ABCA8: variants seen among roughly 807,000 people sequenced by gnomAD.
ABCA8 encodes the protein ATP binding cassette subfamily A member 8, also known as ABC-type organic anion transporter ABCA8.
Under a neutral mutation model 192.3 loss-of-function variants are expected in ABCA8, and 177 were observed. That is an observed-to-expected ratio of 0.92 (90% CI 0.81 to 1.04). The LOEUF (loss-of-function observed/expected upper bound fraction) is 1.04. ABCA8 is among the 50% of genes least tolerant of loss of function. The pLI is 0.00. For missense variants in ABCA8, 1,915 were observed against 1,904.8 expected (o/e 1.01, Z -0.10); for synonymous variants, 642 against 690.2 (o/e 0.93, Z 1.09).
At position 68,875,722 on chromosome 17, in the gene ABCA8, C is replaced by A. The variant is rs146930637; in HGVS notation, c.4382G>T (p.Arg1461Leu). The A allele has an allele frequency of 6.2e-7, 1 of 1,613,406 alleles. No individual in the cohort carries two copies. The highest frequency in any genetic ancestry group is 8.5e-7 in the Non-Finnish European group (1 of 1,179,736). Residue 1461 changes from arginine to leucine, a missense_variant, in exon 36 of 40, where the codon CGG becomes CTG. Transcript: ENST00000586539. ...EGQQQMWQAI[R>L]ATFRNTERGA... ...CCTTTCCGTGTTTCTAAAGGTGGCC[C>A]GGATGGCCTGCCTATAATGTCAAGA... is the stretch of plus-strand genomic sequence containing the variant.
intron 31 of ABCA8, 131 bp from the exon 32 acceptor site, chr17:68,881,342 AGTT>A (rs1253607674): frequency 2.2e-5 from 15 of 676,026 alleles, no homozygotes; most frequent in Non-Finnish European, 3.3e-5. Context: ...CACCCTGAGA[AGTT>A]GTTATTTTAG....
intron 21 of ABCA8, among the ~76,000 whole-genome samples, chr17:68,901,530 G>T (rs541518331): frequency 3.5e-4 from 54 of 152,236 alleles, no homozygotes; most frequent in African/African-American, 1.3e-3. Context: ...ATGTGAGGCC[G>T]GGCGCGGTGG....
In ABCA8 at chr17:68,924,860, C is replaced by T; in HGVS notation, c.1283G>A (p.Gly428Glu). 6.2e-7 allele frequency: 1 copy of T among 1,613,688 alleles called. No homozygotes were observed. The change falls in exon 11 of 40, where the codon GGA (glycine) becomes GAA (glutamate). Residue 428 changes from glycine to glutamate, a missense_variant. Transcript: ENST00000586539. ...YFEKILPNEY[G>E]HRRPPLFFLK... ...GAAAAACAAAGGTGGACGTCGATGTCCATATTCATCTACATGGCCAGAAGA... is the reference window on the plus strand; with the variant it reads ...GAAAAACAAAGGTGGACGTCGATGTTCATATTCATCTACATGGCCAGAAGA...
At chr17:68,898,487 A>G (rs1182361715) in intron 21 of ABCA8, among the ~76,000 whole-genome samples, 1 of 152,118 alleles carries the variant, frequency 6.6e-6, no homozygotes, top group Non-Finnish European at 1.5e-5. Flanking sequence ...AAAGCAAATA[A>G]CCCCAGATGG....
intron 13 of ABCA8, among the ~76,000 whole-genome samples, 176 bp downstream of exon 13, chr17:68,921,206 G>T (rs1444006956): frequency 1.3e-5 from 2 of 152,044 alleles, no homozygotes; most frequent in African/African-American, 4.8e-5. Flanking sequence ...GTTGTGGGGT[G>T]GGGGGAGTGG....
Position 68,915,192 on chromosome 17 carries a change from A to G in ABCA8, c.2138+2169T>C, listed in dbSNP as rs138226976. ...CAACCTAGGAAACTACTACAAGAAA[A>G]CATTGGGGAAACTTCCCAGGGTATT... is the stretch of plus-strand genomic sequence containing the variant. On this transcript the variant is annotated intron_variant, in intron 17 of 39. Transcript: ENST00000586539. Among the ~76,000 whole-genome samples, 213 of 152,224 alleles carry G rather than the reference A, an allele frequency of 1.4e-3. 4 individuals carry two copies. The highest frequency in any genetic ancestry group is 5.1e-3 in the African/African-American group (210 of 41,562).
chr17:68,876,349 T>C lies in ABCA8; in HGVS notation c.4370+111A>G, dbSNP rs2066204347. On this transcript the variant is annotated intron_variant, in intron 35 of 39. Coordinates refer to ENST00000586539, the MANE Select transcript of ABCA8 (RefSeq NM_001288985.2). The stretch of plus-strand genomic sequence containing the variant: ...TGGTTTTACAAGTGACATTGATAGT[T>C]TTTTTGTTCTCCACAAAAGAGTTTA... 2.4e-6 allele frequency: 3 copies of C among 1,273,068 alleles called. No individual in the cohort carries two copies. The Admixed American group carries it at 6.4e-5, about 27-fold the overall frequency. 78.9% of individuals were successfully genotyped at this position (1,273,068 alleles called of 1,614,324 possible).
chr17:68,936,043 A>T (rs555096771), intron 5 of ABCA8, among the ~76,000 whole-genome samples: 95 of 152,190 alleles, frequency 6.2e-4, no homozygotes, highest in African/African-American at 2.3e-3. Context: ...AAATAGGCAA[A>T]TGGGTTATTT....
At chr17:68,918,018 C>T (rs1310015851) in intron 16 of ABCA8, 29 bp downstream of exon 16, 1 of 1,612,976 alleles carries the variant, frequency 6.2e-7, no homozygotes, top group South Asian at 1.1e-5. Context: ...AAGTCCTCCT[C>T]AGGATACTTA....
rs373957977 is a variant in ABCA8 at position 68,883,857 on chromosome 17, A to G, written c.3641T>C (p.Leu1214Pro). The change falls in exon 29 of 40, where the codon CTT (leucine) becomes CCT (proline). Residue 1214 changes from leucine (L) to proline (P), a missense_variant. Coordinates refer to ENST00000586539, the MANE Select transcript of ABCA8 (RefSeq NM_001288985.2). ...CCATTCCAGACATCGAAGAGTAAAA[A>G]GAAAAATGATAAAATGAAGGAAAGG... is the stretch of plus-strand genomic sequence containing the variant. ...LIPFLHFIIF[L>P]FTLRCLEWKF... The G allele has an allele frequency of 6.3e-7, 1 of 1,595,226 alleles. No individual in the cohort carries two copies. Among genetic ancestry groups the G allele is most frequent in the Non-Finnish European group, 8.5e-7 (1 of 1,170,858 alleles).
At chr17:68,928,941 G>A in intron 9 of ABCA8, 108 bp downstream of exon 9, 1 of 985,354 alleles carries the variant, frequency 1.0e-6, no homozygotes, top group South Asian at 4.9e-5. Flanking sequence ...GCCTTCGCTA[G>A]AATTTTAAGC....
intron 32 of ABCA8, chr17:68,877,960 T>A (rs902203570): frequency 2.9e-5 from 9 of 309,492 alleles, no homozygotes; most frequent in African/African-American, 4.3e-5. Context: ...CCATTTTTTT[T>A]AAATCACTGT....
At chr17:68,883,387 G>T (rs1331824685) in intron 29 of ABCA8, among the ~76,000 whole-genome samples, 2 of 152,198 alleles carry the variant, frequency 1.3e-5, no homozygotes, top group Non-Finnish European at 2.9e-5. Flanking sequence ...GAACCAGTCT[G>T]TGATCCACTG....
intron 32 of ABCA8, 155 bp downstream of exon 32, chr17:68,880,965 C>A: frequency 1.5e-6 from 1 of 653,092 alleles, no homozygotes; most frequent in Non-Finnish European, 2.7e-6. Context: ...CTTTTGTGTG[C>A]ATTTATGTGA....
chr17:68,877,463 C>A, intron 33 of ABCA8, 56 bp downstream of exon 33: 1 of 1,496,218 alleles, frequency 6.7e-7, no homozygotes, highest in South Asian at 1.4e-5. Flanking sequence ...GGTCATCACT[C>A]TCAACCTCCT....
intron 12 of ABCA8, 22 bp from the exon 13 acceptor site, chr17:68,921,514 A>T (rs1452584090): frequency 6.7e-7 from 1 of 1,498,070 alleles, no homozygotes; most frequent in Non-Finnish European, 9.2e-7. Context: ...AAAAGAAAGG[A>T]AAGAAAGATA....
intron 18 of ABCA8, among the ~76,000 whole-genome samples, chr17:68,907,431 A>C (rs1245003623): frequency 6.6e-6 from 1 of 152,024 alleles, no homozygotes; most frequent in East Asian, 1.9e-4. Flanking sequence ...GTAGTGCATA[A>C]GCCAGAGGTT....
intron 15 of ABCA8, 21 bp from the exon 16 acceptor site, chr17:68,918,206 T>C: frequency 6.2e-7 from 1 of 1,612,578 alleles, no homozygotes; most frequent in African/African-American, 1.3e-5. Context: ...GGAAAGTATA[T>C]AAGGCGGTTT....
intron 13 of ABCA8, chr17:68,919,872 A>G (rs1350416445): frequency 6.4e-6 from 1 of 156,412 alleles, no homozygotes; most frequent in Non-Finnish European, 1.4e-5. Flanking sequence ...AGCTGTCCTA[A>G]CTGAAGCCCC....
Sources: allele counts gnomAD v4.1 joint callset (sites outside exome capture counted in the v4.1 genomes callset), GRCh38; gene constraint gnomAD v4.1.1; transcripts MANE v1.5; gene names NCBI Gene and HGNC (gene_info 2026-07-23, HGNC 2026-07-21).